MAP3K15: variants seen among roughly 807,000 people sequenced by gnomAD.
The protein encoded by MAP3K15 is MAPK/ERK kinase kinase 15.
Under a neutral mutation model 99.5 loss-of-function variants are expected in MAP3K15, and 124 were observed. The observed-to-expected ratio is 1.25, with a 90% CI of 1.08 to 1.45. MAP3K15 has a LOEUF of 1.45. MAP3K15 is among the 40% of genes most tolerant of loss of function. The probability of loss-of-function intolerance (pLI) is 0.00; values close to 1 mark genes in which losing one functional copy is unlikely to be tolerated. For synonymous variants in MAP3K15, 494 were observed against 439.6 expected, an observed-to-expected ratio of 1.12 and a Z score of -1.55; for missense variants, 1,242 against 1,079.7, an observed-to-expected ratio of 1.15 and a Z score of -2.11.
chrX:19,498,276 T>C (rs1303335420), intron 1 of MAP3K15, among the ~76,000 whole-genome samples: 1 of 110,812 alleles, frequency 9.0e-6, no homozygotes, highest in African/African-American at 3.3e-5. Context: ...ACTGGGGTTC[T>C]GGTATGTTTA....
chrX:19,487,128 G>T (rs1363232714), intron 2 of MAP3K15, among the ~76,000 whole-genome samples: 1 of 78,796 alleles, frequency 1.3e-5, no homozygotes, highest in Non-Finnish European at 2.3e-5. Flanking sequence ...ATTTCTGGGG[G>T]TGGGGGGGGG....
chrX:19,427,703 T>C (rs1488313934), intron 7 of MAP3K15, among the ~76,000 whole-genome samples: 3 of 112,078 alleles, frequency 2.7e-5, no homozygotes, highest in Admixed American at 9.5e-5. Context: ...CAAATGTCTT[T>C]AAGTGGCACC....
At chrX:19,494,016 A>T (rs2064384578) in intron 1 of MAP3K15, among the ~76,000 whole-genome samples, 1 of 111,045 alleles carries the variant, frequency 9.0e-6, no homozygotes. Flanking sequence ...TCATTCCCAA[A>T]TACACCCTGT....
intron 25 of MAP3K15, among the ~76,000 whole-genome samples, chrX:19,367,723 A>ATTTTTTTTTTTTTTTTTTTTTT (rs748998915): frequency 4.1e-5 from 1 of 24,139 alleles, no homozygotes. Flanking sequence ...ATAACTATGG[A>ATTTTTTTTTTTTTTTTTTTTTT]TTTTTTTTTT....
At chrX:19,501,334 C>G (rs890405021) in intron 1 of MAP3K15, among the ~76,000 whole-genome samples, 5 of 111,632 alleles carry the variant, frequency 4.5e-5, no homozygotes, top group African/African-American at 1.6e-4. Context: ...ATGGACAAAC[C>G]AGAAGAAAAA....
chrX:19,489,287 T>C (rs1003965835), intron 1 of MAP3K15, among the ~76,000 whole-genome samples: 1 of 111,355 alleles, frequency 9.0e-6, no homozygotes, highest in Non-Finnish European at 1.9e-5. Flanking sequence ...AGGCATAAAG[T>C]ATAATGCAAC....
chrX:19,475,340 GGA>G (rs1166024079), intron 3 of MAP3K15, among the ~76,000 whole-genome samples: 1 of 111,041 alleles, frequency 9.0e-6, no homozygotes, highest in Non-Finnish European at 1.9e-5. Flanking sequence ...GAGCAATGGG[GGA>G]GCAGCTATAA....
chrX:19,362,039 T>C lies in MAP3K15; in HGVS notation c.3680-446A>G, dbSNP rs766955208. Among the ~76,000 whole-genome samples the C allele has an allele frequency of 3.6e-5, 4 of 111,005 alleles. No individual in the cohort carries two copies. The East Asian group carries it at 1.1e-3, about 32-fold the overall frequency. Reference sequence around the variant, plus strand: ...TGATGGAGGCATATTTATTTACTTATGCAGTAAACTACCCTTTTTAGGTGT... The same window carrying C: ...TGATGGAGGCATATTTATTTACTTACGCAGTAAACTACCCTTTTTAGGTGT... On this transcript the variant is annotated intron_variant, in intron 26 of 28. Coordinates refer to ENST00000338883, the MANE Select transcript of MAP3K15 (RefSeq NM_001001671.4).
At position 19,514,949 on chromosome X, in the gene MAP3K15, C is replaced by G. The variant is rs1363169158; in HGVS notation, c.313G>C (p.Glu105Gln). Residue 105 changes from glutamate (E) to glutamine (Q), a missense_variant, in exon 1 of 29, where the codon GAG becomes CAG. Transcript: ENST00000338883. The stretch of plus-strand genomic sequence containing the variant: ...ACGGCCGTCTCCCCGAAGTCCAGCT[C>G]CCCGAAGGGCACGGAGGTGAGGTGA... ...GAHLTSVPFGELDFGETAVLD... is the reference protein window; with the variant it reads ...GAHLTSVPFGQLDFGETAVLD... The G allele has an allele frequency of 2.6e-6, 3 of 1,147,620 alleles. No homozygotes were observed. The highest frequency in any genetic ancestry group is 4.8e-5 in the Admixed American group (2 of 41,545). 94.6% of individuals were successfully genotyped at this position (1,147,620 alleles called of 1,213,427 possible).
chrX:19,412,827 C>A (rs1242316158), intron 11 of MAP3K15, among the ~76,000 whole-genome samples: 2 of 110,670 alleles, frequency 1.8e-5, no homozygotes, highest in Non-Finnish European at 3.8e-5. Flanking sequence ...CTCGACCTCC[C>A]AGGTTCAAGC....
intron 3 of MAP3K15, among the ~76,000 whole-genome samples, chrX:19,484,523 A>C (rs1341146660): frequency 8.9e-6 from 1 of 111,910 alleles, no homozygotes; most frequent in Non-Finnish European, 1.9e-5. Context: ...GGAATTACTA[A>C]GAATGTTAAG....
intron 6 of MAP3K15, among the ~76,000 whole-genome samples, chrX:19,434,498 AAAGTGCTGGGATTACAGGC>A (rs2063907979): frequency 9.1e-6 from 1 of 109,825 alleles, no homozygotes; most frequent in South Asian, 3.9e-4. Flanking sequence ...TCGGCCTCCC[AAAGTGCTGGGATTACAGGC>A]GTGAGCCACT....
intron 5 of MAP3K15, among the ~76,000 whole-genome samples, chrX:19,458,231 A>G (rs1050730859): frequency 2.7e-5 from 3 of 112,077 alleles, no homozygotes; most frequent in African/African-American, 9.7e-5. Context: ...ACCTTTGAGC[A>G]TGAATGGAAG....
rs770356801 is a variant in MAP3K15, at chrX:19,371,480, C to G, written c.3159G>C (p.Gly1053=). The change falls in exon 23 of 29, where the codon GGG becomes GGC. Residue 1053 remains glycine (G), a synonymous_variant. Transcript: ENST00000338883. ...GGGAGCGGATGAAGTCCCTCAGGAT[C>G]CCAATGATTTGCTTGATGTGTCCAA... ...LSVGHIKQII[G]ILRDFIRSPE... is the part of the protein sequence containing the mutation. 5.0e-6 allele frequency: 6 copies of G among 1,208,255 alleles called. No individual in the cohort carries two copies. In the African/African-American group the frequency reaches 1.1e-4, roughly 21 times the overall value.
chrX:19,370,693 G>C (rs73637634), intron 24 of MAP3K15, among the ~76,000 whole-genome samples: 1 of 111,346 alleles, frequency 9.0e-6, no homozygotes, highest in East Asian at 2.8e-4. Flanking sequence ...CACCGCGTCC[G>C]GCCCCATGCT....
rs1327432322 is a variant in MAP3K15, at chrX:19,480,399, T to C, written c.525+6083A>G. Among the ~76,000 whole-genome samples, 4 of 111,425 alleles carry C rather than the reference T, an allele frequency of 3.6e-5. No homozygotes were observed. The East Asian group carries it at 1.1e-3, about 31-fold the overall frequency. Reference sequence around the variant, plus strand: ...TTCAAAAATTACTACAAAGCTATAGTAATCAAAATAGTGCAGACTGCAGTG... The same window carrying C: ...TTCAAAAATTACTACAAAGCTATAGCAATCAAAATAGTGCAGACTGCAGTG... On this transcript the variant is annotated intron_variant, in intron 3 of 28. Transcript: ENST00000338883.
At chrX:19,448,796 T>C (rs2064019579) in intron 6 of MAP3K15, among the ~76,000 whole-genome samples, 1 of 109,906 alleles carries the variant, frequency 9.1e-6, no homozygotes, top group South Asian at 4.0e-4. Context: ...ACACTGGTGG[T>C]TGGAATTCTC....
rs771465204 is a variant in MAP3K15, at chrX:19,508,873, G to C, written c.361+6028C>G. 6.3e-5 allele frequency among the ~76,000 whole-genome samples: 7 copies of C among 111,450 alleles called. No homozygotes were observed. In the South Asian group the frequency reaches 2.6e-3, roughly 42 times the overall value. On this transcript the variant is annotated intron_variant, in intron 1 of 28. Coordinates refer to ENST00000338883, the MANE Select transcript of MAP3K15 (RefSeq NM_001001671.4). ...CACTCTAGACTGGGCAACAGAGTGA[G>C]ACCCTGTCTCAAAAAAAAATCTATA...
At chrX:19,363,350 G>C (rs1345814900) in intron 25 of MAP3K15, among the ~76,000 whole-genome samples, 3 of 112,105 alleles carry the variant, frequency 2.7e-5, no homozygotes, top group African/African-American at 9.7e-5. Context: ...CTGGCACCTC[G>C]ATCTTGGACT....
Sources: gnomAD v4.1 joint callset for allele counts (sites outside exome capture counted in the v4.1 genomes callset) on GRCh38, gnomAD v4.1.1 for gene constraint, MANE v1.5 for transcripts, NCBI Gene and HGNC (gene_info 2026-07-23, HGNC 2026-07-21) for gene names.